Variants in FALEC observed in about 807,000 individuals in gnomAD.
FALEC encodes focally amplified lncRNA on chromosome 1.
the FALEC span, among the ~76,000 whole-genome samples, chr1:150,527,476 C>A: frequency 6.6e-6 from 1 of 151,902 alleles, no homozygotes; most frequent in Non-Finnish European, 1.5e-5. Context: ...CCAGGCTGGT[C>A]TTAAGCTCCT....
chr1:150,518,214 A>G (rs185900969), downstream of FALEC, among the ~76,000 whole-genome samples: 1 of 152,284 alleles, frequency 6.6e-6, no homozygotes, highest in African/African-American at 2.4e-5. Context: ...TAGTGGGCCC[A>G]TCCTCTTTAC....
chr1:150,523,146 C>T, the FALEC span, among the ~76,000 whole-genome samples: 1 of 144,128 alleles, frequency 6.9e-6, no homozygotes, highest in African/African-American at 2.6e-5. Flanking sequence ...CACCACCATG[C>T]CCGGCTAACT....
At chr1:150,529,016 C>CAAAAAAAAAAAAAAAAAAAAAA in the FALEC span, among the ~76,000 whole-genome samples, 34 of 59,282 alleles carry the variant, frequency 5.7e-4, 2 homozygotes, top group African/African-American at 1.8e-3. Flanking sequence ...AAATAAATAG[C>CAAAAAAAAAAAAAAAAAAAAAA]AAAAAAAAAA....
chr1:150,518,795 G>A (rs1180518210), downstream of FALEC, among the ~76,000 whole-genome samples: 13 of 152,040 alleles, frequency 8.6e-5, no homozygotes, highest in Admixed American at 5.2e-4. Context: ...TGTGGCTCAC[G>A]CCTGTAATCC....
chr1:150,522,857 ATATATATACG>A, downstream of FALEC, among the ~76,000 whole-genome samples: 1 of 90,882 alleles, frequency 1.1e-5, no homozygotes, highest in African/African-American at 4.2e-5. Flanking sequence ...CTCTCTATAT[ATATATATACG>A]TATATATACA....
chr1:150,525,201 C>T, the FALEC span, among the ~76,000 whole-genome samples: 5 of 152,110 alleles, frequency 3.3e-5, no homozygotes, highest in East Asian at 1.9e-4. Context: ...GCAGGAGAAT[C>T]GCTTGAACCC....
At chr1:150,528,918 T>C in the FALEC span, among the ~76,000 whole-genome samples, 2 of 149,916 alleles carry the variant, frequency 1.3e-5, no homozygotes, top group Non-Finnish European at 3.0e-5. Context: ...TGAATGATGG[T>C]CTTTGTCTCA....
downstream of FALEC, among the ~76,000 whole-genome samples, chr1:150,521,449 C>T (rs11582423): frequency 6.6e-6 from 1 of 151,974 alleles, no homozygotes; most frequent in African/African-American, 2.4e-5. Context: ...GTTTAACTTG[C>T]ATTTCTGTGT....
the FALEC span, among the ~76,000 whole-genome samples, chr1:150,523,513 T>A: frequency 6.6e-6 from 1 of 150,880 alleles, no homozygotes; most frequent in Non-Finnish European, 1.5e-5. Context: ...AAATTAGCCA[T>A]GCATGGTGTG....
chr1:150,532,471 G>T, the FALEC span, among the ~76,000 whole-genome samples: 34,686 of 152,048 alleles, frequency 0.23, 4,209 homozygotes, highest in East Asian at 0.43. Flanking sequence ...TTAGATGCTG[G>T]TTGGGAGGGA....
At chr1:150,520,783 C>CTTTTTTT (rs71086518), downstream of FALEC, among the ~76,000 whole-genome samples, 640 of 42,848 alleles carry the variant, frequency 0.015, 81 homozygotes, top group African/African-American at 0.02. Context: ...CTTTTCTTTT[C>CTTTTTTT]TTTTTTTTTT....
At chr1:150,515,855 C>T (rs191445362) in exon 1 of FALEC, 1 of 152,476 alleles carries the variant, frequency 6.6e-6, no homozygotes, top group East Asian at 1.9e-4. Context: ...CGTGTACCCT[C>T]CTGGCCTGGG....
the FALEC span, among the ~76,000 whole-genome samples, chr1:150,534,840 C>CA: frequency 7.1e-3 from 865 of 121,044 alleles, 16 homozygotes; most frequent in South Asian, 0.042. Flanking sequence ...GACTCTGTCT[C>CA]AAAAAAAAAA....
chr1:150,520,791 T>TTC (rs1284270569), downstream of FALEC, among the ~76,000 whole-genome samples: 4 of 127,300 alleles, frequency 3.1e-5, no homozygotes, highest in East Asian at 2.1e-4. Flanking sequence ...TTCTTTTTTT[T>TTC]TTTTTTTTTT....
the FALEC span, among the ~76,000 whole-genome samples, chr1:150,534,807 A>G: frequency 4.8e-5 from 7 of 145,932 alleles, no homozygotes; most frequent in Admixed American, 2.1e-4. Flanking sequence ...ATGCCACTGC[A>G]CTCCAGCCTG....
chr1:150,529,817 T>C, the FALEC span, among the ~76,000 whole-genome samples: 16 of 152,158 alleles, frequency 1.1e-4, no homozygotes, highest in African/African-American at 3.9e-4. Context: ...CAGGATGGTC[T>C]CGATCTCCTG....
chr1:150,530,387 C>T, the FALEC span, among the ~76,000 whole-genome samples: 19 of 152,300 alleles, frequency 1.2e-4, no homozygotes, highest in Non-Finnish European at 2.1e-4. Flanking sequence ...CTAAGCACAA[C>T]ATCTGATCAT....
the FALEC span, among the ~76,000 whole-genome samples, chr1:150,532,384 C>T: frequency 1.3e-5 from 2 of 152,188 alleles, no homozygotes; most frequent in East Asian, 3.8e-4. Flanking sequence ...GACCTTTGGA[C>T]TCAGCTGAGG....
the FALEC span, among the ~76,000 whole-genome samples, chr1:150,534,184 T>C: frequency 6.6e-6 from 1 of 152,160 alleles, no homozygotes; most frequent in Non-Finnish European, 1.5e-5. Flanking sequence ...TCTGAGGAGC[T>C]GGTCCTGGAG....
Sources: gnomAD v4.1 joint callset for allele counts (sites outside exome capture counted in the v4.1 genomes callset) on GRCh38, gnomAD v4.1.1 for gene constraint, MANE v1.5 for transcripts, NCBI Gene and HGNC (gene_info 2026-07-23, HGNC 2026-07-21) for gene names.